The following HSD11B1L variants were observed in gnomAD, a reference collection of about 807,000 sequenced individuals.
HSD11B1L encodes hydroxysteroid 11-beta dehydrogenase 1 like.
In HSD11B1L, 22 loss-of-function variants were observed where a neutral mutation model predicts 27.0. The observed-to-expected ratio is 0.81, with a 90% CI of 0.58 to 1.16. The LOEUF (loss-of-function observed/expected upper bound fraction) is 1.16, where lower values mean the gene tolerates loss of function less well. Among genes scored for constraint, HSD11B1L ranks in the 50% most tolerant of loss-of-function variants. HSD11B1L has a pLI of 0.00. For missense variants in HSD11B1L, 372 were observed against 401.8 expected, an observed-to-expected ratio of 0.93 and a Z score of 0.63; for synonymous variants, 187 against 189.2, an observed-to-expected ratio of 0.99 and a Z score of 0.09.
intron 1 of HSD11B1L, among the ~76,000 whole-genome samples, chr19:5,682,285 A>C (rs2054575050): frequency 6.6e-6 from 1 of 152,084 alleles, no homozygotes. Context: ...GCAGGGAGAG[A>C]ATGAGTATGG....
rs1391628830 is a variant in HSD11B1L at position 5,688,191 on chromosome 19, A to G, written c.*246A>G. 6 of 1,547,198 alleles carry G rather than the reference A, an allele frequency of 3.9e-6. No homozygotes were observed. Among genetic ancestry groups the G allele is most frequent in the Non-Finnish European group, 8.7e-7 (1 of 1,145,714 alleles). ...GCAAGGCCTCACCTGTTTGGCCATGATTGATGACGTGACTGCTTCCATTTT... is the reference window on the plus strand; with the variant it reads ...GCAAGGCCTCACCTGTTTGGCCATGGTTGATGACGTGACTGCTTCCATTTT... On this transcript the variant is annotated 3_prime_UTR_variant, in exon 8 of 8. Transcript: ENST00000339423.
At chr19:5,686,579 G>T (rs1266831414) in intron 4 of HSD11B1L, 52 bp downstream of exon 4, 2 of 1,405,416 alleles carry the variant, frequency 1.4e-6, no homozygotes, top group East Asian at 2.5e-5. Context: ...CTAGGCCTTA[G>T]GGACAGGACC....
Position 5,685,252 on chromosome 19 carries a change from TCA to T in HSD11B1L, c.204+134_204+135del, listed in dbSNP as rs2054658605. ...AAGTCGCCTAACCTCTCTGAGCCTCTCAGTTTCCTCATTTGCAAAACGGGGAC... is the reference window on the plus strand; with the variant it reads ...AAGTCGCCTAACCTCTCTGAGCCTCTGTTTCCTCATTTGCAAAACGGGGAC... On this transcript the variant is annotated intron_variant, in intron 3 of 7. Transcript: ENST00000339423. The surrounding 1 kb of genome is among the most constrained non-coding windows in gnomAD (Gnocchi z 4.3). 1.7e-6 allele frequency: 2 copies of T among 1,199,074 alleles called. No individual in the cohort carries two copies. Among genetic ancestry groups the T allele is most frequent in the Non-Finnish European group, 1.2e-6 (1 of 839,986 alleles). 74.3% of individuals were successfully genotyped at this position (1,199,074 alleles called of 1,614,324 possible).
chr19:5,685,196 A>G lies in HSD11B1L; in HGVS notation c.204+77A>G. The G allele has an allele frequency of 6.6e-7, 1 of 1,505,384 alleles. No homozygotes were observed. Among genetic ancestry groups the G allele is most frequent in the Non-Finnish European group, 8.9e-7 (1 of 1,118,868 alleles). The allele number at this position is 1,505,384 out of a possible 1,614,324, so 93.3% of individuals were successfully genotyped here. A position where few individuals can be genotyped will look rare whatever the true frequency, so the allele number is the denominator to read the frequency against. On this transcript the variant is annotated intron_variant, in intron 3 of 7. Transcript: ENST00000339423. This position sits in a 1 kb window ranked among gnomAD's most constrained non-coding sequence, Gnocchi z 4.3. ...AAGAGAGCCTGGGTTTAATCCCTGCAATGATCCAGGCTTCCCGTGTGACCT... is the reference window on the plus strand; with the variant it reads ...AAGAGAGCCTGGGTTTAATCCCTGCGATGATCCAGGCTTCCCGTGTGACCT...
intron 1 of HSD11B1L, chr19:5,684,216 A>G: frequency 5.7e-6 from 2 of 351,150 alleles, no homozygotes; most frequent in Non-Finnish European, 5.1e-6. Context: ...GGGTTTCACC[A>G]TGTTGGCCAG....
chr19:5,686,944 G>T lies in HSD11B1L; in HGVS notation c.361G>T (p.Ala121Ser). The T allele has an allele frequency of 6.4e-7, 1 of 1,552,940 alleles. No homozygotes were observed. The highest frequency in any genetic ancestry group is 8.7e-7 in the Non-Finnish European group (1 of 1,149,480). Reference sequence around the variant, plus strand: ...GCTGAACCACATCGGCGGCGCCCCGGCCGGCACGCGAGCCCGCAGCCCCCA... The same window carrying T: ...GCTGAACCACATCGGCGGCGCCCCGTCCGGCACGCGAGCCCGCAGCCCCCA... ...LVLNHIGGAP[A>S]GTRARSPQAT... is the part of the protein sequence containing the mutation. The change falls in exon 5 of 8, where the codon GCC (alanine) becomes TCC (serine). Residue 121 changes from alanine (A) to serine (S), a missense_variant. By Grantham distance (99) the Ala-to-Ser change is moderately conservative. Coordinates refer to ENST00000339423, the MANE Select transcript of HSD11B1L (RefSeq NM_198706.3).
In HSD11B1L at chr19:5,686,931, C is replaced by A. The variant is rs746940980; in HGVS notation, c.348C>A (p.Ile116=). The A allele has an allele frequency of 6.4e-7, 1 of 1,553,284 alleles. No homozygotes were observed. ...TGGACTACCTCGTGCTGAACCACAT[C>A]GGCGGCGCCCCGGCCGGCACGCGAG... The part of the protein sequence containing the change: ...GGLDYLVLNH[I]GGAPAGTRAR... Residue 116 remains isoleucine (I), a synonymous_variant, in exon 5 of 8, where the codon ATC becomes ATA. Coordinates refer to ENST00000339423, the MANE Select transcript of HSD11B1L (RefSeq NM_198706.3).
intron 4 of HSD11B1L, 59 bp downstream of exon 4, chr19:5,686,586 G>A: frequency 7.5e-7 from 1 of 1,339,670 alleles, no homozygotes; most frequent in Non-Finnish European, 1.0e-6. Context: ...TTAGGGACAG[G>A]ACCAGAATTG....
rs1328442120 is a variant in HSD11B1L, at chr19:5,685,967, G to A, written c.205-449G>A. Among the ~76,000 whole-genome samples, 12 of 152,130 alleles carry A rather than the reference G, an allele frequency of 7.9e-5. No individual in the cohort carries two copies. The highest frequency in any genetic ancestry group is 4.8e-5 in the African/African-American group (2 of 41,438). On this transcript the variant is annotated intron_variant, in intron 3 of 7. Coordinates refer to ENST00000339423, the MANE Select transcript of HSD11B1L (RefSeq NM_198706.3). This position sits in a 1 kb window ranked among gnomAD's most constrained non-coding sequence, Gnocchi z 4.3. ...GGATGTTGTGCCAATGCAGTGAGACGGTGACTAGAAGATGCAGTGTTTCTT... is the reference window on the plus strand; with the variant it reads ...GGATGTTGTGCCAATGCAGTGAGACAGTGACTAGAAGATGCAGTGTTTCTT...
Position 5,684,985 on chromosome 19 carries a change from C to T in HSD11B1L, c.74-4C>T, listed in dbSNP as rs1338585341. 6.2e-7 allele frequency: 1 copy of T among 1,609,484 alleles called. No individual in the cohort carries two copies. The highest frequency in any genetic ancestry group is 1.1e-5 in the South Asian group (1 of 90,700). Reference sequence around the variant, plus strand: ...CCCAGAGTGACCACCCCGGCTATGGCCAGCCAGCCTCCAGGGAGCGCGAGT... The same window carrying T: ...CCCAGAGTGACCACCCCGGCTATGGTCAGCCAGCCTCCAGGGAGCGCGAGT... On this transcript the variant is annotated splice_polypyrimidine_tract_variant and splice_region_variant and intron_variant, in intron 2 of 7. Coordinates refer to ENST00000339423, the MANE Select transcript of HSD11B1L (RefSeq NM_198706.3).
chr19:5,684,068 C>T (rs980757819), intron 1 of HSD11B1L: 6 of 479,500 alleles, frequency 1.3e-5, no homozygotes, highest in Middle Eastern at 5.1e-4. Context: ...TTCTGCCTCC[C>T]AGGTTCAAGC....
Position 5,687,108 on chromosome 19 carries a change from AG to A in HSD11B1L, c.408+118del, listed in dbSNP as rs1252413437. ...GAGGGCTCTCCACCCGTCCCGCCCC[AG>A]CCACGCCCCTCCTAGCCCAAGCCCC... On this transcript the variant is annotated intron_variant, in intron 5 of 7. Coordinates refer to ENST00000339423, the MANE Select transcript of HSD11B1L (RefSeq NM_198706.3). This position sits in a 1 kb window ranked among gnomAD's most constrained non-coding sequence, Gnocchi z 6.6. The A allele has an allele frequency of 3.8e-6, 4 of 1,052,260 alleles. No individual in the cohort carries two copies. The highest frequency in any genetic ancestry group is 5.5e-5 in the East Asian group (2 of 36,132). The allele number at this position is 1,052,260 out of a possible 1,614,324, so 65.2% of individuals were successfully genotyped here. A position where few individuals can be genotyped will look rare whatever the true frequency, so the allele number is the denominator to read the frequency against.
intron 4 of HSD11B1L, 105 bp downstream of exon 4, chr19:5,686,632 G>A (rs2054699840): frequency 3.3e-6 from 3 of 908,570 alleles, no homozygotes; most frequent in Non-Finnish European, 4.9e-6. Context: ...GGTGTCTCAG[G>A]GCGGAGACAA....
In HSD11B1L at chr19:5,681,285, T is replaced by G. The variant is rs891992843; in HGVS notation, c.-15+14T>G. ...AGGCCTGAGCGGGTGAGTGCACGGT[T>G]TAGGGGTGCGCAGAGGGTCACACGC... On this transcript the variant is annotated intron_variant, in intron 1 of 7. Coordinates refer to ENST00000339423, the MANE Select transcript of HSD11B1L (RefSeq NM_198706.3). 3 of 152,376 alleles carry G rather than the reference T, an allele frequency of 2.0e-5. No individual in the cohort carries two copies. Among genetic ancestry groups the G allele is most frequent in the Admixed American group, 1.3e-4 (2 of 15,278 alleles). 9.4% of individuals were successfully genotyped at this position (152,376 alleles called of 1,614,324 possible). A position where few individuals can be genotyped will look rare whatever the true frequency, so the allele number is the denominator to read the frequency against.
rs748465674 is a variant in HSD11B1L at position 5,687,480 on chromosome 19, G to A, written c.503-23G>A. 1.9e-6 allele frequency: 3 copies of A among 1,589,446 alleles called. No homozygotes were observed. The highest frequency in any genetic ancestry group is 2.6e-6 in the Non-Finnish European group (3 of 1,172,944). ...TTCCCGGACGAGGGGGAGCCACTCA[G>A]CCGCTGCCGTCCGCGCCCCCAGGCC... On this transcript the variant is annotated intron_variant, in intron 6 of 7. Transcript: ENST00000339423. This position sits in a 1 kb window ranked among gnomAD's most constrained non-coding sequence, Gnocchi z 6.6.
Position 5,687,407 on chromosome 19 carries a change from G to A in HSD11B1L, c.502+32G>A. On this transcript the variant is annotated intron_variant, in intron 6 of 7. Transcript: ENST00000339423. This position sits in a 1 kb window ranked among gnomAD's most constrained non-coding sequence, Gnocchi z 6.6. ...GCACCCGGCCCCGGCTCTGCGGGAC[G>A]GGGAGTGGGGAGCTCGATGCGGGTG... 6.2e-7 allele frequency: 1 copy of A among 1,606,480 alleles called. No homozygotes were observed. Among genetic ancestry groups the A allele is most frequent in the Non-Finnish European group, 8.5e-7 (1 of 1,178,416 alleles).
chr19:5,688,318 TTTCCATTCA>T lies in HSD11B1L; in HGVS notation c.*380_*388del. On this transcript the variant is annotated 3_prime_UTR_variant, in exon 8 of 8. Coordinates refer to ENST00000339423, the MANE Select transcript of HSD11B1L (RefSeq NM_198706.3). Reference sequence around the variant, plus strand: ...GCGCCTTTAAGTCCCTGATTTATTCTTTCCATTCATTCCATCTGGGAGGAACCCCCCCAA... The same window carrying T: ...GCGCCTTTAAGTCCCTGATTTATTCTTTCCATCTGGGAGGAACCCCCCCAA... 1.2e-6 allele frequency: 1 copy of T among 844,992 alleles called. No homozygotes were observed. The highest frequency in any genetic ancestry group is 2.8e-5 in the Admixed American group (1 of 35,448). The allele number at this position is 844,992 out of a possible 1,614,324, so 52.3% of individuals were successfully genotyped here. A position where few individuals can be genotyped will look rare whatever the true frequency, so the allele number is the denominator to read the frequency against.
At chr19:5,686,586 G>C in intron 4 of HSD11B1L, 59 bp downstream of exon 4, 1 of 1,339,670 alleles carries the variant, frequency 7.5e-7, no homozygotes, top group Non-Finnish European at 1.0e-6. Context: ...TTAGGGACAG[G>C]ACCAGAATTG....
chr19:5,684,608 C>T (rs2054638131), intron 1 of HSD11B1L, among the ~76,000 whole-genome samples: 1 of 151,186 alleles, frequency 6.6e-6, no homozygotes, highest in Non-Finnish European at 1.5e-5. Context: ...ATGGAGAGGG[C>T]TGAGAAGGGT....
Sources: gnomAD v4.1 joint callset for allele counts (sites outside exome capture counted in the v4.1 genomes callset) on GRCh38, gnomAD v4.1.1 for gene constraint, Gnocchi (gnomAD v3.1) non-coding constraint, MANE v1.5 for transcripts, NCBI Gene and HGNC (gene_info 2026-07-23, HGNC 2026-07-21) for gene names.